PDE4DIP: variants seen among roughly 807,000 people sequenced by gnomAD.
PDE4DIP encodes the protein myomegalin.
Under a neutral mutation model 221.4 loss-of-function variants are expected in PDE4DIP, and 59 were observed. The ratio of observed to expected loss-of-function variants is 0.27; its 90% CI spans 0.22 to 0.33. PDE4DIP has a LOEUF of 0.33. Among genes scored for constraint, PDE4DIP ranks in the 10% least tolerant of loss-of-function variants. The probability of loss-of-function intolerance (pLI) is 1.00; values close to 1 mark genes in which losing one functional copy is unlikely to be tolerated. For missense variants in PDE4DIP, 1,036 were observed against 2,154.2 expected (o/e 0.48, Z 10.28); for synonymous variants, 404 against 815.9 (o/e 0.50, Z 8.60).
intron 17 of PDE4DIP, among the ~76,000 whole-genome samples, chr1:148,976,054 G>A (rs1474396337): frequency 2.0e-5 from 3 of 150,724 alleles, no homozygotes; most frequent in Admixed American, 6.6e-5. Context: ...TCCTTTTTGT[G>A]GTTCTACCTT....
chr1:148,962,009 GT>G, intron 7 of PDE4DIP, 53 bp downstream of exon 10: 1 of 789,306 alleles, frequency 1.3e-6, no homozygotes, highest in Admixed American at 1.9e-5. Flanking sequence ...TCCCTTCAAA[GT>G]AGACAAGTAT....
chr1:148,934,980 T>G (rs587681690), intron 4 of PDE4DIP, among the ~76,000 whole-genome samples: 1 of 151,930 alleles, frequency 6.6e-6, no homozygotes, highest in African/African-American at 2.4e-5. Flanking sequence ...TCCTAGCACT[T>G]TGGGAGGCCG....
chr1:148,947,900 C>T (rs1398799417), intron 5 of PDE4DIP, among the ~76,000 whole-genome samples: 3 of 151,234 alleles, frequency 2.0e-5, no homozygotes, highest in African/African-American at 4.9e-5. Context: ...CAGATAGCAG[C>T]ATCAACATGA....
chr1:148,832,630 GT>G (rs1387262118), intron 1 of PDE4DIP, among the ~76,000 whole-genome samples: 1 of 151,598 alleles, frequency 6.6e-6, no homozygotes, highest in African/African-American at 2.4e-5. Flanking sequence ...TTTATTGATA[GT>G]TTTTAGCATG....
In PDE4DIP at chr1:149,006,091, C is replaced by G. The variant is rs112032455; in HGVS notation, c.4415+654C>G. 2.8e-3 allele frequency among the ~76,000 whole-genome samples: 427 copies of G among 152,240 alleles called. 1 individual carries two copies. The highest frequency in any genetic ancestry group is 9.7e-3 in the African/African-American group (402 of 41,494). On this transcript the variant is annotated intron_variant, in intron 27 of 43. Transcript: ENST00000369354. ...GAGGTTGCAGTGAGCCGAGATGGCA[C>G]CACTGCACTCCAGCCTGGGTGACAG...
At chr1:148,910,093 A>G (rs2042511038) in intron 1 of PDE4DIP, among the ~76,000 whole-genome samples, 1 of 93,670 alleles carries the variant, frequency 1.1e-5, no homozygotes. Context: ...GTAAATACCC[A>G]GTAGTGGAAC....
At chr1:149,002,677 A>G (rs2065936536) in intron 24 of PDE4DIP, among the ~76,000 whole-genome samples, 173 bp from the exon 28 acceptor site, 1 of 151,768 alleles carries the variant, frequency 6.6e-6, no homozygotes, top group Admixed American at 6.6e-5. Flanking sequence ...TATGAAGAAA[A>G]CATTATCCCA....
chr1:148,974,986 T>A (rs1553536066), intron 17 of PDE4DIP, among the ~76,000 whole-genome samples: 3 of 84,962 alleles, frequency 3.5e-5, no homozygotes, highest in African/African-American at 1.1e-4. Context: ...GCCTGGCCAA[T>A]ATGACGAAAC....
chr1:149,023,011 A>G (rs1439513465), intron 37 of PDE4DIP, among the ~76,000 whole-genome samples: 1 of 152,296 alleles, frequency 6.6e-6, no homozygotes, highest in Non-Finnish European at 1.5e-5. Flanking sequence ...GAGAGAGAGG[A>G]ACATCATAAA....
In PDE4DIP at chr1:149,010,701, C is replaced by G. The variant is rs587765024; in HGVS notation, c.5080+106C>G. 9 of 940,806 alleles carry G rather than the reference C, an allele frequency of 9.6e-6. No homozygotes were observed. In the Admixed American group the frequency reaches 1.8e-4, roughly 19 times the overall value. 58.3% of individuals were successfully genotyped at this position (940,806 alleles called of 1,614,324 possible). The stretch of plus-strand genomic sequence containing the variant: ...TGGACTGTTAGGGGCCTAAATGCAT[C>G]AAAACCTAGACAGAATCGAGAAACC... On this transcript the variant is annotated intron_variant, in intron 31 of 43. Coordinates refer to ENST00000369354, the Ensembl canonical transcript of PDE4DIP.
At chr1:148,958,726 ATAT>A (rs1553505175) in intron 5 of PDE4DIP, among the ~76,000 whole-genome samples, 1 of 150,696 alleles carries the variant, frequency 6.6e-6, no homozygotes, top group Non-Finnish European at 1.5e-5. Context: ...AATAATTTTT[ATAT>A]TATTTACATG....
chr1:148,997,490 G>T (rs1553566583), intron 22 of PDE4DIP, among the ~76,000 whole-genome samples: 1 of 152,288 alleles, frequency 6.6e-6, no homozygotes, highest in African/African-American at 2.4e-5. Flanking sequence ...GAGGTTGGCT[G>T]CTTGGCAGGA....
chr1:148,888,218 CATTTACTT>C (rs1468060741), upstream of PDE4DIP, among the ~76,000 whole-genome samples: 3 of 152,262 alleles, frequency 2.0e-5, no homozygotes, highest in African/African-American at 7.2e-5. Context: ...CTTTTTGAAA[CATTTACTT>C]CAGTTAAGAG....
chr1:148,953,061 C>T (rs782723138), intron 5 of PDE4DIP: 1 of 1,614,128 alleles, frequency 6.2e-7, no homozygotes, highest in South Asian at 1.1e-5. Flanking sequence ...TTCTGCATTG[C>T]CAGTATGTAT....
At chr1:148,932,972 C>T (rs1263062572) in intron 4 of PDE4DIP, among the ~76,000 whole-genome samples, 1 of 152,048 alleles carries the variant, frequency 6.6e-6, no homozygotes, top group African/African-American at 2.4e-5. Context: ...GGGAATGCAC[C>T]GTTATGAGCC....
chr1:148,864,387 T>C (rs1227661894), intron 2 of PDE4DIP, among the ~76,000 whole-genome samples: 1 of 140,544 alleles, frequency 7.1e-6, no homozygotes, highest in Non-Finnish European at 1.6e-5. Context: ...TTACTATTAA[T>C]GTATTCCTAA....
chr1:148,866,675 T>A (rs1381995002), intron 2 of PDE4DIP: 1 of 21,828 alleles, frequency 4.6e-5, no homozygotes, highest in Admixed American at 4.9e-4. Context: ...GGCAGAGAGG[T>A]GGGGGAAAAG....
At chr1:149,022,531 G>A (rs113157255) in intron 37 of PDE4DIP, among the ~76,000 whole-genome samples, 2,342 of 152,362 alleles carry the variant, frequency 0.015, 2 homozygotes, top group Non-Finnish European at 0.022. Context: ...TAAAGAGAAG[G>A]TGAACTGGAA....
intron 19 of PDE4DIP, among the ~76,000 whole-genome samples, chr1:148,979,493 G>C (rs1212605872): frequency 6.6e-6 from 1 of 152,024 alleles, no homozygotes; most frequent in Non-Finnish European, 1.5e-5. Flanking sequence ...CTGCTTTCCT[G>C]TGCTTCCAGC....
Sources: gnomAD v4.1 joint callset for allele counts (sites outside exome capture counted in the v4.1 genomes callset) on GRCh38, gnomAD v4.1.1 for gene constraint, MANE v1.5 for transcripts, NCBI Gene and HGNC (gene_info 2026-07-23, HGNC 2026-07-21) for gene names.